Variants in ZNF76 observed in about 807,000 individuals in gnomAD.
ZNF76 encodes zinc finger protein 76.
Under a neutral mutation model 66.9 loss-of-function variants are expected in ZNF76, and 66 were observed. The ratio of observed to expected loss-of-function variants is 0.99; its 90% CI spans 0.81 to 1.21. The LOEUF is 1.21. ZNF76 is among the 50% of genes most tolerant of loss of function. The pLI is 0.00. For missense variants in ZNF76, 729 were observed against 760.3 expected, an observed-to-expected ratio of 0.96 and a Z score of 0.48; for synonymous variants, 275 against 296.1, an observed-to-expected ratio of 0.93 and a Z score of 0.73.
chr6:35,282,817 TA>T (rs147259854), intron 2 of ZNF76, among the ~76,000 whole-genome samples: 5,898 of 152,312 alleles, frequency 0.039, 180 homozygotes, highest in African/African-American at 0.086. Context: ...ATCTCATCAG[TA>T]AGCACTTTCC....
chr6:35,291,687 G>A lies in ZNF76; in HGVS notation c.881G>A (p.Arg294His), dbSNP rs747594078. The change falls in exon 9 of 14, where the codon CGC (arginine) becomes CAC (histidine). Residue 294 changes from arginine (R) to histidine (H), a missense_variant. By Grantham distance (29) the Arg-to-His change is conservative (BLOSUM62 0). Transcript: ENST00000373953. Reference sequence around the variant, plus strand: ...ACCTGCCCGGAGCCCCACTGTGGCCGCGGCTTCACCAGCGCCACCAACTAT... The same window carrying A: ...ACCTGCCCGGAGCCCCACTGTGGCCACGGCTTCACCAGCGCCACCAACTAT... ...PYTCPEPHCG[R>H]GFTSATNYKN... 1.4e-5 allele frequency: 22 copies of A among 1,613,122 alleles called. No homozygotes were observed. Among genetic ancestry groups the A allele is most frequent in the Middle Eastern group, 1.6e-4 (1 of 6,084 alleles).
intron 1 of ZNF76, among the ~76,000 whole-genome samples, chr6:35,264,648 A>T (rs926703232): frequency 1.3e-5 from 2 of 152,104 alleles, no homozygotes; most frequent in African/African-American, 4.8e-5. Flanking sequence ...TCCTTGGAAA[A>T]CACCTCAGAG....
Position 35,295,842 on chromosome 6 carries a change from A to G in ZNF76, c.*594A>G, listed in dbSNP as rs1169532232. ...CCCAACCTCTCTATGGCAGAGAGGCAGGGAGTGGCCCTGTACATAGACTGC... is the reference window on the plus strand; with the variant it reads ...CCCAACCTCTCTATGGCAGAGAGGCGGGGAGTGGCCCTGTACATAGACTGC... On this transcript the variant is annotated 3_prime_UTR_variant, in exon 14 of 14. Transcript: ENST00000373953. The G allele has an allele frequency of 5.9e-6, 1 of 168,140 alleles. No individual in the cohort carries two copies. The highest frequency in any genetic ancestry group is 2.4e-5 in the African/African-American group (1 of 41,988). 10.4% of individuals were successfully genotyped at this position (168,140 alleles called of 1,614,324 possible).
At position 35,289,708 on chromosome 6, in the gene ZNF76, G is replaced by A. The variant is rs569504350; in HGVS notation, c.433-558G>A. Among the ~76,000 whole-genome samples the A allele has an allele frequency of 2.3e-3, 346 of 152,294 alleles. 3 individuals carry two copies. The highest frequency in any genetic ancestry group is 7.9e-3 in the African/African-American group (327 of 41,536). On this transcript the variant is annotated intron_variant, in intron 5 of 13. Transcript: ENST00000373953. ...GCTGACATTTCTGGTGGAAACTGCA[G>A]CACTCCCCTGGGTGCTTCTGGTCGT...
Position 35,293,131 on chromosome 6 carries a change from C to T in ZNF76, c.1329+87C>T, listed in dbSNP as rs560673319. 4.1e-6 allele frequency: 6 copies of T among 1,467,216 alleles called. No homozygotes were observed. In the South Asian group the frequency reaches 6.5e-5, roughly 16 times the overall value. 90.9% of individuals were successfully genotyped at this position (1,467,216 alleles called of 1,614,324 possible). A position where few individuals can be genotyped will look rare whatever the true frequency, so the allele number is the denominator to read the frequency against. ...TCTGGGAGCCCTGAAGTTCTGACAG[C>T]CCCACTGCCACCCAGCTTCTTGTTT... is the stretch of plus-strand genomic sequence containing the variant. On this transcript the variant is annotated intron_variant, in intron 11 of 13. Coordinates refer to ENST00000373953, the MANE Select transcript of ZNF76 (RefSeq NM_003427.5).
intron 7 of ZNF76, chr6:35,291,071 C>A: frequency 1.6e-6 from 1 of 634,196 alleles, no homozygotes; most frequent in Non-Finnish European, 2.7e-6. Flanking sequence ...TTTTCATGCT[C>A]ATGTTCTGGT....
At chr6:35,294,120 ATC>A (rs1790839766) in intron 12 of ZNF76, 2 of 631,300 alleles carry the variant, frequency 3.2e-6, no homozygotes, top group Non-Finnish European at 2.7e-6. Context: ...CACTTTCTAA[ATC>A]TCAATTCAAC....
intron 1 of ZNF76, among the ~76,000 whole-genome samples, chr6:35,265,545 C>A (rs1271205049): frequency 1.3e-5 from 2 of 150,882 alleles, no homozygotes; most frequent in Non-Finnish European, 2.9e-5. Context: ...GAAGAAAATG[C>A]CAGGATTCTG....
chr6:35,291,923 A>G, intron 9 of ZNF76, 186 bp downstream of exon 9: 1 of 676,750 alleles, frequency 1.5e-6, no homozygotes, highest in South Asian at 1.8e-5. Context: ...CTCAATTTCC[A>G]GTTAGGTCCA....
At chr6:35,264,091 T>A (rs752510267) in intron 1 of ZNF76, among the ~76,000 whole-genome samples, 1 of 152,218 alleles carries the variant, frequency 6.6e-6, no homozygotes, top group Non-Finnish European at 1.5e-5. Flanking sequence ...CCCTCACATT[T>A]AGCAGGTAGT....
At chr6:35,294,008 T>A (rs1052172775) in intron 12 of ZNF76, 93 bp downstream of exon 12, 2 of 1,435,842 alleles carry the variant, frequency 1.4e-6, no homozygotes, top group African/African-American at 2.8e-5. Context: ...TCAAGTCTTC[T>A]TACCAGGACA....
At position 35,292,729 on chromosome 6, in the gene ZNF76, C is replaced by T. The variant is rs144970619; in HGVS notation, c.1107C>T (p.Gly369=). ...CCATGCACAAGCGCAGTGCCCACGGCGAGCTGGAGGCCACGGAGGAGAGCG... is the reference window on the plus strand; with the variant it reads ...CCATGCACAAGCGCAGTGCCCACGGTGAGCTGGAGGCCACGGAGGAGAGCG... ...TLAMHKRSAH[G]ELEATEESEQ... The change falls in exon 10 of 14, where the codon GGC becomes GGT. Residue 369 remains glycine, a synonymous_variant. Coordinates refer to ENST00000373953, the MANE Select transcript of ZNF76 (RefSeq NM_003427.5). The surrounding 1 kb of genome is among the most constrained non-coding windows in gnomAD (Gnocchi z 4.7). 45 of 1,613,962 alleles carry T rather than the reference C, an allele frequency of 2.8e-5. No individual in the cohort carries two copies. The African/African-American group carries it at 2.8e-4, about 10-fold the overall frequency.
At chr6:35,295,029 G>C (rs1209469552) in intron 13 of ZNF76, 115 bp from the exon 14 acceptor site, 1 of 707,950 alleles carries the variant, frequency 1.4e-6, no homozygotes, top group Non-Finnish European at 2.4e-6. Flanking sequence ...CTCAGCGTGT[G>C]GCACTGGGTA....
At chr6:35,275,357 T>A (rs1325814328) in intron 1 of ZNF76, among the ~76,000 whole-genome samples, 1 of 151,874 alleles carries the variant, frequency 6.6e-6, no homozygotes, top group Non-Finnish European at 1.5e-5. Flanking sequence ...CCACCCTCAC[T>A]GCCCCTCTGC....
rs1457915223 is a variant in ZNF76 at position 35,286,362 on chromosome 6, A to G, written c.195A>G (p.Glu65=). ...AGGATGGTCAGCCTGTGCAGCTGGA[A>G]GATGGCAGCATGGCTTACATACACC... is the stretch of plus-strand genomic sequence containing the variant. ...SFEDGQPVQL[E]DGSMAYIHRT... is the part of the protein sequence containing the mutation. The change falls in exon 4 of 14, where the codon GAA becomes GAG. Residue 65 remains glutamate (E), a synonymous_variant. Transcript: ENST00000373953. The G allele has an allele frequency of 6.2e-7, 1 of 1,614,204 alleles. No homozygotes were observed. The highest frequency in any genetic ancestry group is 8.5e-7 in the Non-Finnish European group (1 of 1,180,040).
At chr6:35,288,175 G>A (rs745823183) in intron 5 of ZNF76, 3 of 537,070 alleles carry the variant, frequency 5.6e-6, no homozygotes, top group South Asian at 4.6e-5. Flanking sequence ...CTTCACTTTG[G>A]CTGCTGTAGT....
At chr6:35,286,487 A>C (rs1445576339) in intron 4 of ZNF76, 88 bp downstream of exon 4, 1 of 1,240,880 alleles carries the variant, frequency 8.1e-7, no homozygotes, top group Admixed American at 1.8e-5. Flanking sequence ...GATGGCACAC[A>C]ACTGGGGTGT....
Position 35,292,897 on chromosome 6 carries a change from G to A in ZNF76, c.1182G>A (p.Glu394=). 1.2e-6 allele frequency: 2 copies of A among 1,614,210 alleles called. No homozygotes were observed. Among genetic ancestry groups the A allele is most frequent in the Non-Finnish European group, 1.7e-6 (2 of 1,180,036 alleles). ...CTCTCCCAGCCGCCTCTGCAGCCGA[G>A]GAGAGTCCGCCACCCAAACGACCCC... is the stretch of plus-strand genomic sequence containing the variant. ...QQQLEAASAA[E]ESPPPKRPRI... Residue 394 remains glutamate, a synonymous_variant, in exon 11 of 14, where the codon GAG becomes GAA. Transcript: ENST00000373953. This position sits in a 1 kb window ranked among gnomAD's most constrained non-coding sequence, Gnocchi z 4.7.
chr6:35,259,647 T>C (rs1179496751), upstream of ZNF76: 1 of 152,266 alleles, frequency 6.6e-6, no homozygotes, highest in Non-Finnish European at 1.5e-5. Flanking sequence ...CGGTATTTTC[T>C]ATACGGGTTC....
Sources: gnomAD v4.1 joint callset for allele counts (sites outside exome capture counted in the v4.1 genomes callset) on GRCh38, gnomAD v4.1.1 for gene constraint, Gnocchi (gnomAD v3.1) non-coding constraint, MANE v1.5 for transcripts, NCBI Gene and HGNC (gene_info 2026-07-23, HGNC 2026-07-21) for gene names.